Variants in IGF2BP2 observed in about 807,000 individuals in gnomAD.
IGF2BP2 encodes the protein insulin-like growth factor 2 mRNA-binding protein 2.
Under a neutral mutation model 75.8 loss-of-function variants are expected in IGF2BP2, and 17 were observed. The observed-to-expected ratio is 0.22, with a 90% CI of 0.15 to 0.34. The LOEUF (loss-of-function observed/expected upper bound fraction) is 0.34. Among genes scored for constraint, IGF2BP2 ranks in the 10% least tolerant of loss-of-function variants. The pLI, the probability that IGF2BP2 is intolerant of heterozygous loss-of-function variation, is 1.00. For synonymous variants in IGF2BP2, 288 were observed against 295.6 expected (o/e 0.97, Z 0.26); for missense variants, 516 against 772.4 (o/e 0.67, Z 3.93).
At chr3:185,666,013 G>C (rs867727695) in intron 10 of IGF2BP2, among the ~76,000 whole-genome samples, 1 of 120,708 alleles carries the variant, frequency 8.3e-6, no homozygotes, top group South Asian at 2.5e-4. Context: ...TAGATAGATA[G>C]ATAGATAGAT....
intron 2 of IGF2BP2, among the ~76,000 whole-genome samples, chr3:185,822,856 G>C (rs1482971317): frequency 6.6e-6 from 1 of 151,960 alleles, no homozygotes; most frequent in African/African-American, 2.4e-5. Flanking sequence ...GGCGGGAGGT[G>C]GGGGTGGGAG....
chr3:185,796,729 A>G (rs1303000706), intron 2 of IGF2BP2, among the ~76,000 whole-genome samples: 1 of 151,824 alleles, frequency 6.6e-6, no homozygotes, highest in Non-Finnish European at 1.5e-5. Flanking sequence ...TAGTACCTGT[A>G]TACTCTGAGT....
intron 2 of IGF2BP2, among the ~76,000 whole-genome samples, chr3:185,749,854 A>AT (rs1220662989): frequency 2.0e-5 from 3 of 152,220 alleles, no homozygotes; most frequent in Non-Finnish European, 4.4e-5. Context: ...CCAGAAAGAA[A>AT]TGAGCCTGTG....
intron 2 of IGF2BP2, among the ~76,000 whole-genome samples, chr3:185,762,282 C>T (rs1357447401): frequency 6.6e-6 from 1 of 150,810 alleles, no homozygotes; most frequent in African/African-American, 2.4e-5. Flanking sequence ...AATCCTAGCA[C>T]TTCCGGAGGC....
At chr3:185,675,128 C>T (rs532470059) in intron 9 of IGF2BP2, 168 bp downstream of exon 9, 19 of 571,192 alleles carry the variant, frequency 3.3e-5, no homozygotes, top group South Asian at 1.3e-4. Context: ...TGTTGTCCAG[C>T]GCACTTATCA....
Position 185,790,265 on chromosome 3 carries a change from T to C in IGF2BP2, c.239+32888A>G, listed in dbSNP as rs549766664. Among the ~76,000 whole-genome samples, 10 of 129,358 alleles carry C rather than the reference T, an allele frequency of 7.7e-5. No homozygotes were observed. The East Asian group carries it at 1.4e-3, about 18-fold the overall frequency. 84.9% of individuals were successfully genotyped at this position (129,358 alleles called of 152,430 possible). A position where few individuals can be genotyped will look rare whatever the true frequency, so the allele number is the denominator to read the frequency against. On this transcript the variant is annotated intron_variant, in intron 2 of 15. Transcript: ENST00000382199. The stretch of plus-strand genomic sequence containing the variant: ...TCTGACATAAAGTACTGTTTAATCA[T>C]TTTTGCTTCTAAACAAAATGATTGG...
chr3:185,665,491 A>AGGAGGAGAAGG (rs1717357633), intron 10 of IGF2BP2, among the ~76,000 whole-genome samples: 1 of 37,704 alleles, frequency 2.7e-5, no homozygotes, highest in African/African-American at 1.2e-4. Context: ...GAAGGAGGAG[A>AGGAGGAGAAGG]AGGAGGAGGA....
intron 2 of IGF2BP2, chr3:185,717,268 A>C: frequency 5.9e-6 from 1 of 169,520 alleles, no homozygotes; most frequent in Non-Finnish European, 1.3e-5. Context: ...CAGATACGTG[A>C]CTCTGGCATG....
intron 13 of IGF2BP2, 134 bp from the exon 14 acceptor site, chr3:185,649,668 C>A: frequency 8.1e-7 from 1 of 1,232,358 alleles, no homozygotes; most frequent in East Asian, 2.5e-5. Context: ...ACACAGGAAG[C>A]TGCGTGCCCC....
At chr3:185,656,271 A>G (rs919079965) in intron 12 of IGF2BP2, among the ~76,000 whole-genome samples, 5 of 152,222 alleles carry the variant, frequency 3.3e-5, no homozygotes, top group Non-Finnish European at 7.3e-5. Flanking sequence ...GCTGGGCACA[A>G]GGGCCCCCAC....
chr3:185,700,465 A>G (rs1723138443), intron 2 of IGF2BP2, among the ~76,000 whole-genome samples: 1 of 152,102 alleles, frequency 6.6e-6, no homozygotes, highest in South Asian at 2.1e-4. Context: ...ACTAATTTCT[A>G]CCTCTATGCT....
intron 7 of IGF2BP2, among the ~76,000 whole-genome samples, chr3:185,679,407 A>G (rs1156543602): frequency 6.6e-6 from 1 of 152,028 alleles, no homozygotes; most frequent in African/African-American, 2.4e-5. Context: ...AATATCACAA[A>G]TTAACATCTT....
At chr3:185,778,015 G>A (rs1362231923) in intron 2 of IGF2BP2, among the ~76,000 whole-genome samples, 7 of 150,878 alleles carry the variant, frequency 4.6e-5, no homozygotes, top group South Asian at 4.2e-4. Flanking sequence ...GTGAGACTCC[G>A]TCAAAAAAAA....
Position 185,698,305 on chromosome 3 carries a change from C to T in IGF2BP2, c.282G>A (p.Gln94=). 1.2e-6 allele frequency: 2 copies of T among 1,613,468 alleles called. No homozygotes were observed. The highest frequency in any genetic ancestry group is 2.7e-5 in the African/African-American group (2 of 75,020). The change falls in exon 3 of 16, where the codon CAG becomes CAA. Residue 94 remains glutamine, a synonymous_variant. Coordinates refer to ENST00000382199, the MANE Select transcript of IGF2BP2 (RefSeq NM_006548.6). ...AAAATTGACACTGGCTTACCTCCCACTGCAGGTGAGGAGGGATGTTTCGAA... is the reference window on the plus strand; with the variant it reads ...AAAATTGACACTGGCTTACCTCCCATTGCAGGTGAGGAGGGATGTTTCGAA... The part of the protein sequence containing the change: ...IQIRNIPPHL[Q]WEVLDGLLAQ...
chr3:185,707,311 TTTTTTTTTTTTTTTG>T (rs1724185586), intron 2 of IGF2BP2, among the ~76,000 whole-genome samples: 1 of 129,638 alleles, frequency 7.7e-6, no homozygotes. Context: ...TTTTTTTTTT[TTTTTTTTTTTTTTTG>T]AGATGGAGTC....
intron 2 of IGF2BP2, among the ~76,000 whole-genome samples, chr3:185,811,638 T>C (rs1399830082): frequency 1.3e-5 from 2 of 152,224 alleles, no homozygotes; most frequent in African/African-American, 2.4e-5. Flanking sequence ...CTAATAGCTG[T>C]CCCTCCTGCA....
intron 7 of IGF2BP2, among the ~76,000 whole-genome samples, chr3:185,677,068 T>TATAGAGAGAGAGAGAGAGAGAGAG: frequency 2.8e-5 from 1 of 35,862 alleles, no homozygotes; most frequent in Non-Finnish European, 4.6e-5. Flanking sequence ...TATATATATA[T>TATAGAGAGAGAGAGAGAGAGAGAG]AGAGAGAGAG....
At chr3:185,781,951 C>A (rs1374881770) in intron 2 of IGF2BP2, among the ~76,000 whole-genome samples, 1 of 152,004 alleles carries the variant, frequency 6.6e-6, no homozygotes, top group Non-Finnish European at 1.5e-5. Flanking sequence ...AGTGAATTAG[C>A]TACTTGAAAT....
chr3:185,744,801 T>G (rs1290461829), intron 2 of IGF2BP2, among the ~76,000 whole-genome samples: 1 of 152,124 alleles, frequency 6.6e-6, no homozygotes, highest in Non-Finnish European at 1.5e-5. Flanking sequence ...AGAGTGAGAC[T>G]CTTTCAAAAA....
Sources: gnomAD v4.1 joint callset for allele counts (sites outside exome capture counted in the v4.1 genomes callset) on GRCh38, gnomAD v4.1.1 for gene constraint, MANE v1.5 for transcripts, NCBI Gene and HGNC (gene_info 2026-07-23, HGNC 2026-07-21) for gene names.